The following GAS7 variants were observed in gnomAD, a reference collection of about 807,000 sequenced individuals.
The protein encoded by GAS7 is growth arrest-specific protein 7.
In GAS7, 28 loss-of-function variants were observed where a neutral mutation model predicts 71.1. The observed-to-expected ratio is 0.39, with a 90% CI of 0.29 to 0.54. The LOEUF (loss-of-function observed/expected upper bound fraction) is 0.54, where lower values mean the gene tolerates loss of function less well. Among genes scored for constraint, GAS7 ranks in the 20% least tolerant of loss-of-function variants. GAS7 has a pLI of 0.62. For missense variants in GAS7, 436 were observed against 627.8 expected, an observed-to-expected ratio of 0.69 and a Z score of 3.27; for synonymous variants, 258 against 245.8, an observed-to-expected ratio of 1.05 and a Z score of -0.46.
chr17:10,070,600 G>A (rs1189024652), intron 1 of GAS7, among the ~76,000 whole-genome samples: 1 of 152,006 alleles, frequency 6.6e-6, no homozygotes, highest in East Asian at 2.0e-4. Flanking sequence ...CTGACCTCTG[G>A]TGATCTGCCT....
At position 10,187,774 on chromosome 17, in the gene GAS7, A is replaced by T. The variant is rs116388068; in HGVS notation, c.183+10434T>A. Among the ~76,000 whole-genome samples, 726 of 152,284 alleles carry T rather than the reference A, an allele frequency of 4.8e-3. 9 individuals carry two copies. The highest frequency in any genetic ancestry group is 0.017 in the African/African-American group (689 of 41,552). ...TTACTGAGGATATTTATAAGAATGC[A>T]GTCCCGGGCCAGCATGTATTCCTTC... is the stretch of plus-strand genomic sequence containing the variant. On this transcript the variant is annotated intron_variant, in intron 1 of 13. Transcript: ENST00000432992.
chr17:10,054,752 T>A (rs1166337076), intron 1 of GAS7, among the ~76,000 whole-genome samples: 1 of 152,194 alleles, frequency 6.6e-6, no homozygotes, highest in East Asian at 1.9e-4. Flanking sequence ...CTTACACTGG[T>A]GGGTGCAGCT....
chr17:9,962,210 A>T (rs2069523197), intron 4 of GAS7, among the ~76,000 whole-genome samples: 2 of 151,040 alleles, frequency 1.3e-5, no homozygotes, highest in African/African-American at 4.9e-5. Context: ...CTACTGCTCC[A>T]ACTTCATATA....
intron 3 of GAS7, among the ~76,000 whole-genome samples, chr17:9,972,021 CT>C (rs1281709591): frequency 6.6e-6 from 1 of 152,206 alleles, no homozygotes; most frequent in Admixed American, 6.5e-5. Flanking sequence ...AGCTGGGCTT[CT>C]CCCCCAGCTA....
chr17:10,055,779 C>T (rs535079764), intron 1 of GAS7, among the ~76,000 whole-genome samples: 75 of 152,222 alleles, frequency 4.9e-4, no homozygotes, highest in African/African-American at 1.1e-3. Context: ...CCACACATAA[C>T]GCGCTCTGAT....
intron 1 of GAS7, among the ~76,000 whole-genome samples, chr17:10,158,347 A>ACAAAAAAC (rs1442026398): frequency 6.8e-5 from 10 of 147,226 alleles, no homozygotes; most frequent in South Asian, 2.1e-4. Context: ...AAAAAAAAAA[A>ACAAAAAAC]AAAAAAAAAA....
In GAS7 at chr17:9,998,006, G is replaced by T. The variant is rs180712033; in HGVS notation, c.305-16122C>A. ...CCTGTTTTTCTAGGTTCTTACGGGGGCTTCAGTACATAGACACGATTGATG... is the reference window on the plus strand; with the variant it reads ...CCTGTTTTTCTAGGTTCTTACGGGGTCTTCAGTACATAGACACGATTGATG... On this transcript the variant is annotated intron_variant, in intron 2 of 13. Coordinates refer to ENST00000432992, the MANE Select transcript of GAS7 (RefSeq NM_201433.2). Among the ~76,000 whole-genome samples the T allele has an allele frequency of 3.1e-3, 471 of 152,298 alleles. 2 individuals carry two copies. The highest frequency in any genetic ancestry group is 5.4e-3 in the Non-Finnish European group (364 of 68,018).
Position 9,974,356 on chromosome 17 carries a change from A to G in GAS7, c.386-4594T>C, listed in dbSNP as rs537701313. Among the ~76,000 whole-genome samples the G allele has an allele frequency of 6.6e-6, 1 of 152,188 alleles. No homozygotes were observed. Among genetic ancestry groups the G allele is most frequent in the African/African-American group, 2.4e-5 (1 of 41,528 alleles). On this transcript the variant is annotated intron_variant, in intron 3 of 13. Coordinates refer to ENST00000432992, the MANE Select transcript of GAS7 (RefSeq NM_201433.2). This position sits in a 1 kb window ranked among gnomAD's most constrained non-coding sequence, Gnocchi z 4.0. ...CTCACCCACGGCATTCCTCATTGCT[A>G]TTCCCTGTCCTGGGGGCTCCCGGCT...
In GAS7 at chr17:9,959,544, A is replaced by T. The variant is rs2069393894; in HGVS notation, c.472-289T>A. On this transcript the variant is annotated intron_variant, in intron 4 of 13. Transcript: ENST00000432992. The surrounding 1 kb of genome is among the most constrained non-coding windows in gnomAD (Gnocchi z 5.0). ...TCTTCTCTCAGTCTGTGATTTGGGG[A>T]GTTAACCCCTCCGCTGCCCTCTGCT... The T allele has an allele frequency of 3.0e-6, 3 of 1,003,426 alleles. No homozygotes were observed. In the South Asian group the frequency reaches 7.5e-5, roughly 25 times the overall value. 62.2% of individuals were successfully genotyped at this position (1,003,426 alleles called of 1,614,324 possible).
At chr17:9,920,246 G>A (rs552316057) in intron 11 of GAS7, among the ~76,000 whole-genome samples, 4 of 151,832 alleles carry the variant, frequency 2.6e-5, no homozygotes, top group East Asian at 3.9e-4. Context: ...ACAAAAGAAC[G>A]CATCTGTAGT....
At chr17:10,132,986 TTTCTCCCCTGCAGGCATCC>T (rs1228583037) in intron 1 of GAS7, among the ~76,000 whole-genome samples, 3 of 151,902 alleles carry the variant, frequency 2.0e-5, no homozygotes, top group Non-Finnish European at 4.4e-5. Flanking sequence ...TGACTTGGTC[TTTCTCCCCTGCAGGCATCC>T]TTCTCTGAAA....
In GAS7 at chr17:9,925,558, C is replaced by G; in HGVS notation, c.1056G>C (p.Met352Ile). The G allele has an allele frequency of 6.2e-7, 1 of 1,614,152 alleles. No homozygotes were observed. The highest frequency in any genetic ancestry group is 8.5e-7 in the Non-Finnish European group (1 of 1,179,982). Residue 352 changes from methionine (M) to isoleucine (I), a missense_variant, in exon 11 of 14, where the codon ATG (methionine) becomes ATC (isoleucine). Physicochemically the swap from Met to Ile is conservative, Grantham distance 10. Coordinates refer to ENST00000432992, the MANE Select transcript of GAS7 (RefSeq NM_201433.2). ...GCTTGATCTCCAGCTGCTGGGTCTTCATCTCCAGGTCTCTCTGCCGCTCTG... is the reference window on the plus strand; with the variant it reads ...GCTTGATCTCCAGCTGCTGGGTCTTGATCTCCAGGTCTCTCTGCCGCTCTG... ...ALTERQRDLEMKTQQLEIKLS... is the reference protein window; with the variant it reads ...ALTERQRDLEIKTQQLEIKLS...
intron 1 of GAS7, among the ~76,000 whole-genome samples, chr17:10,082,463 C>T (rs1337197415): frequency 6.6e-6 from 1 of 152,206 alleles, no homozygotes; most frequent in Non-Finnish European, 1.5e-5. Context: ...TGGGAAACTA[C>T]ATCATACTCC....
chr17:10,115,046 G>T (rs1027899756), intron 1 of GAS7, among the ~76,000 whole-genome samples: 9 of 152,200 alleles, frequency 5.9e-5, no homozygotes, highest in African/African-American at 1.7e-4. Context: ...TGGCTGGCTG[G>T]CTGGCTGCCT....
At chr17:9,943,550 G>A (rs971211808) in intron 6 of GAS7, among the ~76,000 whole-genome samples, 6 of 152,202 alleles carry the variant, frequency 3.9e-5, no homozygotes, top group Non-Finnish European at 5.9e-5. Flanking sequence ...AACGGCCTAC[G>A]ACTTCCAACC....
rs2067564012 is a variant in GAS7 at position 9,915,658 on chromosome 17, A to C, written c.*1570T>G. 4.4e-6 allele frequency: 1 copy of C among 229,310 alleles called. No homozygotes were observed. Among genetic ancestry groups the C allele is most frequent in the East Asian group, 6.2e-5 (1 of 16,054 alleles). The allele number at this position is 229,310 out of a possible 1,614,324, so 14.2% of individuals were successfully genotyped here. On this transcript the variant is annotated 3_prime_UTR_variant, in exon 14 of 14. Transcript: ENST00000432992. ...AGAGATTAATAAGTCATCGGTTTCT[A>C]GCACGTTGACTGAAAGACCAGTGAG...
Position 9,912,110 on chromosome 17 carries a change from C to T in GAS7, c.*5118G>A, listed in dbSNP as rs76652085. 1,814 of 231,982 alleles carry T rather than the reference C, an allele frequency of 7.8e-3. 20 individuals carry two copies. Among genetic ancestry groups the T allele is most frequent in the African/African-American group, 0.025 (1,120 of 45,392 alleles). 14.4% of individuals were successfully genotyped at this position (231,982 alleles called of 1,614,324 possible). A position where few individuals can be genotyped will look rare whatever the true frequency, so the allele number is the denominator to read the frequency against. On this transcript the variant is annotated 3_prime_UTR_variant, in exon 14 of 14. Transcript: ENST00000432992. Reference sequence around the variant, plus strand: ...CAAAGATCGACGAATGAGATCCAAACGGTCATTACTTGCACTGTCTTTGGG... The same window carrying T: ...CAAAGATCGACGAATGAGATCCAAATGGTCATTACTTGCACTGTCTTTGGG...
chr17:9,982,751 G>A (rs1347524880), intron 2 of GAS7, among the ~76,000 whole-genome samples: 4 of 150,914 alleles, frequency 2.7e-5, no homozygotes, highest in African/African-American at 9.8e-5. Flanking sequence ...ACTCCAGCCT[G>A]GGAGACAGAA....
At chr17:10,126,414 A>C (rs1472054164) in intron 1 of GAS7, among the ~76,000 whole-genome samples, 1 of 150,750 alleles carries the variant, frequency 6.6e-6, no homozygotes, top group Non-Finnish European at 1.5e-5. Context: ...ACGTGCAAAC[A>C]CGCACACACA....
Sources: allele counts gnomAD v4.1 joint callset (sites outside exome capture counted in the v4.1 genomes callset), GRCh38; gene constraint gnomAD v4.1.1; non-coding constraint Gnocchi (gnomAD v3.1); transcripts MANE v1.5; gene names NCBI Gene and HGNC (gene_info 2026-07-23, HGNC 2026-07-21).